PKHD1L1: variants seen among roughly 807,000 people sequenced by gnomAD.
PKHD1L1 encodes the protein fibrocystin-L.
A neutral mutation model predicts 462.9 loss-of-function variants in PKHD1L1; 434 were observed. The observed-to-expected ratio is 0.94, with a 90% CI of 0.87 to 1.02. The LOEUF (loss-of-function observed/expected upper bound fraction) is 1.02. Among genes scored for constraint, PKHD1L1 ranks in the 50% least tolerant of loss-of-function variants. The pLI, the probability that PKHD1L1 is intolerant of heterozygous loss-of-function variation, is 0.00. For synonymous variants in PKHD1L1, 1,781 were observed against 1,750.0 expected (o/e 1.02, Z -0.44); for missense variants, 5,202 against 5,096.1 (o/e 1.02, Z -0.63).
intron 2 of PKHD1L1, among the ~76,000 whole-genome samples, chr8:109,379,273 A>G (rs1443808301): frequency 1.3e-5 from 2 of 152,142 alleles, no homozygotes; most frequent in South Asian, 2.1e-4. Context: ...TGACCCTCCA[A>G]TTATGGGCTT....
At chr8:109,481,954 A>G (rs926483867) in intron 56 of PKHD1L1, among the ~76,000 whole-genome samples, 21 of 151,770 alleles carry the variant, frequency 1.4e-4, no homozygotes, top group African/African-American at 5.1e-4. Context: ...TTAAAGGGTA[A>G]CTTTCCTACA....
intron 71 of PKHD1L1, among the ~76,000 whole-genome samples, chr8:109,511,284 G>A (rs902349307): frequency 4.0e-5 from 6 of 151,872 alleles, no homozygotes; most frequent in South Asian, 2.1e-4. Context: ...ATGCCGGTGC[G>A]CTGCACCCAT....
At chr8:109,404,120 A>C (rs1211900739) in intron 14 of PKHD1L1, among the ~76,000 whole-genome samples, 1 of 152,160 alleles carries the variant, frequency 6.6e-6, no homozygotes, top group Non-Finnish European at 1.5e-5. Context: ...GAAAGTAGGA[A>C]CTTCTACTCC....
chr8:109,470,084 A>G (rs1442540262), intron 50 of PKHD1L1: 1 of 439,998 alleles, frequency 2.3e-6, no homozygotes. Flanking sequence ...AGACATGTGC[A>G]ACCTTCCTAA....
intron 68 of PKHD1L1, among the ~76,000 whole-genome samples, chr8:109,506,530 A>G (rs911627622): frequency 2.0e-5 from 3 of 152,186 alleles, no homozygotes; most frequent in Non-Finnish European, 2.9e-5. Flanking sequence ...ACAAAAATCC[A>G]TATCTCAGGC....
Position 109,445,528 on chromosome 8 carries a change from G to A in PKHD1L1, c.5659G>A (p.Gly1887Arg). The A allele has an allele frequency of 6.2e-7, 1 of 1,613,460 alleles. No homozygotes were observed. Among genetic ancestry groups the A allele is most frequent in the Non-Finnish European group, 8.5e-7 (1 of 1,179,690 alleles). ...PNEVYCRTPA[G>R]TTGMVDVKIF... ...TGAAGTCTACTGCCGCACTCCCGCT[G>A]GGACCACTGGAATGGTCGATGTTAA... The change falls in exon 38 of 78, where the codon GGG becomes AGG. Residue 1887 changes from glycine to arginine, a missense_variant. Transcript: ENST00000378402.
At chr8:109,441,237 T>C (rs11785973) in intron 33 of PKHD1L1, 38 bp from the exon 34 acceptor site, 266,283 of 1,354,306 alleles carry the variant, frequency 0.2, 28,209 homozygotes, top group South Asian at 0.28. Context: ...TGACAAAATG[T>C]TTGCTTTTTA....
intron 68 of PKHD1L1, among the ~76,000 whole-genome samples, chr8:109,505,176 C>T (rs1426774134): frequency 6.6e-6 from 1 of 152,030 alleles, no homozygotes; most frequent in Non-Finnish European, 1.5e-5. Context: ...AGGCAAGAGC[C>T]ACACACACAA....
Position 109,400,176 on chromosome 8 carries a change from C to T in PKHD1L1, c.1113C>T (p.Ala371=). The change falls in exon 13 of 78, where the codon GCC becomes GCT. Residue 371 remains alanine, a synonymous_variant. Coordinates refer to ENST00000378402, the MANE Select transcript of PKHD1L1 (RefSeq NM_177531.6). ...AAAAAACGCCTGGGTACATGGGTGC[C>T]AGTTGGGTAGATTCAGCTTCCTATA... ...YNEKTPGYMG[A]SWVDSASYIW... 6.2e-7 allele frequency: 1 copy of T among 1,613,650 alleles called. No individual in the cohort carries two copies. Among genetic ancestry groups the T allele is most frequent in the African/African-American group, 1.3e-5 (1 of 74,988 alleles).
In PKHD1L1 at chr8:109,459,745, T is replaced by C. The variant is rs1346167458; in HGVS notation, c.7155T>C (p.Val2385=). ...DGTLFEARAE[V]GILTRNILIR... ...CTCTGTTTGAAGCAAGAGCAGAAGTTGGAATTCTTACAAGAAATATTTTAA... is the reference window on the plus strand; with the variant it reads ...CTCTGTTTGAAGCAAGAGCAGAAGTCGGAATTCTTACAAGAAATATTTTAA... The change falls in exon 47 of 78, where the codon GTT becomes GTC. Residue 2385 remains valine (V), a synonymous_variant. Transcript: ENST00000378402. 3.1e-6 allele frequency: 5 copies of C among 1,611,810 alleles called. No individual in the cohort carries two copies. In the South Asian group the frequency reaches 5.5e-5, roughly 18 times the overall value.
intron 55 of PKHD1L1, chr8:109,480,671 G>T (rs1192240007): frequency 1.1e-5 from 5 of 444,538 alleles, no homozygotes; most frequent in Non-Finnish European, 2.2e-5. Flanking sequence ...TGTCAGTCTT[G>T]TAATATTGTT....
chr8:109,530,018 T>G, intron 77 of PKHD1L1, 62 bp from the exon 78 acceptor site: 1 of 1,004,976 alleles, frequency 1.0e-6, no homozygotes, highest in Non-Finnish European at 1.4e-6. Context: ...TGAAATATAT[T>G]TTAAATTATA....
chr8:109,417,008 A>G (rs544369882), intron 21 of PKHD1L1, among the ~76,000 whole-genome samples: 1 of 152,278 alleles, frequency 6.6e-6, no homozygotes, highest in South Asian at 2.1e-4. Context: ...GTATCAATCA[A>G]GTCATCACTT....
chr8:109,382,573 T>C lies in PKHD1L1; in HGVS notation c.417+2T>C. The C allele has an allele frequency of 6.2e-7, 1 of 1,603,108 alleles. No homozygotes were observed. Among genetic ancestry groups the C allele is most frequent in the Non-Finnish European group, 8.5e-7 (1 of 1,173,668 alleles). ...AACAGCTGGGAATGTACCTTCAACGTATGTAGGAATCTTCTCTTCAGTTTA... is the reference window on the plus strand; with the variant it reads ...AACAGCTGGGAATGTACCTTCAACGCATGTAGGAATCTTCTCTTCAGTTTA... On this transcript the variant is annotated splice_donor_variant, in intron 4 of 77. Transcript: ENST00000378402. LOFTEE classifies it high-confidence loss of function.
At chr8:109,476,304 G>C (rs974124597) in intron 51 of PKHD1L1, among the ~76,000 whole-genome samples, 1 of 151,402 alleles carries the variant, frequency 6.6e-6, no homozygotes, top group African/African-American at 2.4e-5. Context: ...AGATCCTTTC[G>C]TTGCCTTAGT....
chr8:109,399,582 A>C (rs1246686424), intron 12 of PKHD1L1, among the ~76,000 whole-genome samples: 1 of 152,110 alleles, frequency 6.6e-6, no homozygotes, highest in African/African-American at 2.4e-5. Context: ...TAAAAAGTAA[A>C]ACAAACATTG....
intron 8 of PKHD1L1, 89 bp from the exon 9 acceptor site, chr8:109,390,363 C>G (rs577730092): frequency 1.5e-6 from 1 of 677,682 alleles, no homozygotes; most frequent in Admixed American, 4.1e-5. Context: ...TGTACTTTTT[C>G]TCTGCTTTTA....
At chr8:109,494,440 GT>G in intron 63 of PKHD1L1, among the ~76,000 whole-genome samples, 1 of 151,958 alleles carries the variant, frequency 6.6e-6, no homozygotes, top group East Asian at 1.9e-4. Context: ...TATGAACAAG[GT>G]TATTCATCAC....
intron 27 of PKHD1L1, among the ~76,000 whole-genome samples, chr8:109,430,419 G>C (rs559309481): frequency 1.3e-5 from 2 of 152,162 alleles, no homozygotes; most frequent in African/African-American, 4.8e-5. Flanking sequence ...ACTTCCTCTA[G>C]GAGAGTTAGT....
Sources: gnomAD v4.1 joint callset for allele counts (sites outside exome capture counted in the v4.1 genomes callset) on GRCh38, gnomAD v4.1.1 for gene constraint, MANE v1.5 for transcripts, NCBI Gene and HGNC (gene_info 2026-07-23, HGNC 2026-07-21) for gene names.